TMEM30A: variants seen among roughly 807,000 people sequenced by gnomAD.
TMEM30A encodes the protein cell division cycle 50 P4-ATPase accessory subunit A.
In TMEM30A, 24 loss-of-function variants were observed where a neutral mutation model predicts 38.2. The ratio of observed to expected loss-of-function variants is 0.63; its 90% CI spans 0.46 to 0.88. The LOEUF is 0.88. Among genes scored for constraint, TMEM30A ranks in the 40% least tolerant of loss-of-function variants. The pLI is 0.00. For missense variants in TMEM30A, 370 were observed against 458.6 expected (o/e 0.81, Z 1.77); for synonymous variants, 145 against 161.6 (o/e 0.90, Z 0.78).
In TMEM30A at chr6:75,260,885, A is replaced by G. The variant is rs1241657727; in HGVS notation, c.480T>C (p.Tyr160=). ...LLNPSKECEP[Y]RRNEDKPIAP... is the part of the protein sequence containing the mutation. ...CAATTGGTTTGTCTTCATTTCTTCGATAAGGTTCACATTCCTTACTGGGAT... is the reference window on the plus strand; with the variant it reads ...CAATTGGTTTGTCTTCATTTCTTCGGTAAGGTTCACATTCCTTACTGGGAT... The change falls in exon 4 of 7, where the codon TAT becomes TAC. Residue 160 remains tyrosine (Y), a synonymous_variant. Coordinates refer to ENST00000230461, the MANE Select transcript of TMEM30A (RefSeq NM_018247.4). The G allele has an allele frequency of 6.2e-7, 1 of 1,602,792 alleles. No individual in the cohort carries two copies. Among genetic ancestry groups the G allele is most frequent in the Non-Finnish European group, 8.5e-7 (1 of 1,177,636 alleles).
Position 75,256,075 on chromosome 6 carries a change from C to A in TMEM30A, c.*27G>T. On this transcript the variant is annotated 3_prime_UTR_variant, in exon 7 of 7. Coordinates refer to ENST00000230461, the MANE Select transcript of TMEM30A (RefSeq NM_018247.4). ...AATAGGACTGGCCTTGATGCACATG[C>A]AGATGATTTGCTTTCATAATATAAA... 1 of 1,524,544 alleles carries A rather than the reference C, an allele frequency of 6.6e-7. No homozygotes were observed. The highest frequency in any genetic ancestry group is 9.0e-7 in the Non-Finnish European group (1 of 1,108,754). 94.4% of individuals were successfully genotyped at this position (1,524,544 alleles called of 1,614,324 possible). A position where few individuals can be genotyped will look rare whatever the true frequency, so the allele number is the denominator to read the frequency against.
At chr6:75,275,214 A>G (rs1452047632) in intron 1 of TMEM30A, among the ~76,000 whole-genome samples, 1 of 152,118 alleles carries the variant, frequency 6.6e-6, no homozygotes, top group Non-Finnish European at 1.5e-5. Flanking sequence ...GGAGTGACTC[A>G]GGGATCTTCT....
intron 1 of TMEM30A, among the ~76,000 whole-genome samples, chr6:75,276,903 C>T (rs988218815): frequency 6.6e-6 from 1 of 152,144 alleles, no homozygotes; most frequent in Non-Finnish European, 1.5e-5. Flanking sequence ...TAAGCACATT[C>T]CTCAGGACCT....
At position 75,258,654 on chromosome 6, in the gene TMEM30A, C is replaced by A. The variant is rs762822936; in HGVS notation, c.892+126G>T. On this transcript the variant is annotated intron_variant, in intron 6 of 6. Coordinates refer to ENST00000230461, the MANE Select transcript of TMEM30A (RefSeq NM_018247.4). ...AAAATACATTCTCACATATACCACA[C>A]ATACTTTTGTAAAAATGCAGAGACC... The A allele has an allele frequency of 5.3e-5, 40 of 749,882 alleles. 1 individual carries two copies. The highest frequency in any genetic ancestry group is 8.2e-5 in the Non-Finnish European group (38 of 463,424). 46.5% of individuals were successfully genotyped at this position (749,882 alleles called of 1,614,324 possible).
intron 1 of TMEM30A, among the ~76,000 whole-genome samples, chr6:75,271,604 A>G (rs1772170625): frequency 6.6e-6 from 1 of 152,184 alleles, no homozygotes; most frequent in Non-Finnish European, 1.5e-5. Flanking sequence ...TCCTTCACAT[A>G]CATATTTCAT....
intron 1 of TMEM30A, among the ~76,000 whole-genome samples, chr6:75,281,036 G>C (rs921425390): frequency 2.0e-5 from 3 of 152,084 alleles, no homozygotes; most frequent in Non-Finnish European, 4.4e-5. Context: ...GAAGAAGAAA[G>C]TTGAGAGTTT....
At chr6:75,256,335 T>C (rs1771867126) in intron 6 of TMEM30A, 40 bp from the exon 7 acceptor site, 3 of 1,535,642 alleles carry the variant, frequency 2.0e-6, no homozygotes, top group Non-Finnish European at 2.7e-6. Context: ...CTCTGGTTAC[T>C]TGATGTTTAA....
At chr6:75,284,147 A>T in intron 1 of TMEM30A, 1 of 551,382 alleles carries the variant, frequency 1.8e-6, no homozygotes. Context: ...TGCATTAAAC[A>T]TTCATTCCGT....
chr6:75,282,377 T>C (rs1424134637), intron 1 of TMEM30A, among the ~76,000 whole-genome samples: 1 of 152,204 alleles, frequency 6.6e-6, no homozygotes, highest in Non-Finnish European at 1.5e-5. Flanking sequence ...AAGAACCTTA[T>C]TTTACTCCAA....
At chr6:75,275,899 C>G (rs1001768379) in intron 1 of TMEM30A, among the ~76,000 whole-genome samples, 5 of 152,064 alleles carry the variant, frequency 3.3e-5, no homozygotes, top group African/African-American at 1.2e-4. Flanking sequence ...GTTGGTGCCC[C>G]CTAAATAGCT....
intron 1 of TMEM30A, among the ~76,000 whole-genome samples, chr6:75,270,184 T>C (rs1772141557): frequency 6.6e-6 from 1 of 152,180 alleles, no homozygotes; most frequent in Admixed American, 6.5e-5. Flanking sequence ...ATAATTCCTA[T>C]TGCTCCACAT....
In TMEM30A at chr6:75,284,750, C is replaced by CCG; in HGVS notation, c.-113_-112insCG. 3 of 987,640 alleles carry CCG rather than the reference C, an allele frequency of 3.0e-6. No individual in the cohort carries two copies. The highest frequency in any genetic ancestry group is 3.7e-5 in the Admixed American group (2 of 54,452). The allele number at this position is 987,640 out of a possible 1,614,324, so 61.2% of individuals were successfully genotyped here. Reference sequence around the variant, plus strand: ...GCTGCCGCCGCCGCCGCCGCAGCCACCAGCGCCACCGCCACAGCCACCTCC... The same window carrying CCG: ...GCTGCCGCCGCCGCCGCCGCAGCCACCGCAGCGCCACCGCCACAGCCACCTCC... On this transcript the variant is annotated 5_prime_UTR_variant, in exon 1 of 7. Transcript: ENST00000230461.
Position 75,265,248 on chromosome 6 carries a change from C to A in TMEM30A, c.436G>T (p.Asp146Tyr), listed in dbSNP as rs768389582. 2.5e-6 allele frequency: 4 copies of A among 1,605,268 alleles called. No individual in the cohort carries two copies. The highest frequency in any genetic ancestry group is 8.5e-7 in the Non-Finnish European group (1 of 1,173,676). Residue 146 changes from aspartate to tyrosine, a missense_variant, in exon 3 of 7, where the codon GAT (aspartate) becomes TAT (tyrosine). By Grantham distance (160) the Asp-to-Tyr change is radical. Coordinates refer to ENST00000230461, the MANE Select transcript of TMEM30A (RefSeq NM_018247.4). ...TTACTTACAAGCAAAGCACTAGAAT[C>A]TCCATTTAGTTGACTATCATCTCGA... ...KSRDDSQLNG[D>Y]SSALLNPSKE...
At position 75,284,682 on chromosome 6, in the gene TMEM30A, A is replaced by C; in HGVS notation, c.-44T>G. On this transcript the variant is annotated 5_prime_UTR_variant, in exon 1 of 7. Transcript: ENST00000230461. ...TCCGCGATTTGCAGGTGGACCACCCAGGGGGCCCGCCGGCTGACCCTGACA... is the reference window on the plus strand; with the variant it reads ...TCCGCGATTTGCAGGTGGACCACCCCGGGGGCCCGCCGGCTGACCCTGACA... The C allele has an allele frequency of 6.3e-7, 1 of 1,596,802 alleles. No homozygotes were observed. The highest frequency in any genetic ancestry group is 8.5e-7 in the Non-Finnish European group (1 of 1,170,426).
chr6:75,268,177 CCAAGAGCTACTGTTTTTT>C (rs2149521242), intron 1 of TMEM30A, among the ~76,000 whole-genome samples: 1 of 152,190 alleles, frequency 6.6e-6, no homozygotes, highest in Admixed American at 6.5e-5. Flanking sequence ...AATTAGGTTA[CCAAGAGCTACTGTTTTTT>C]CAACACCTGG....
chr6:75,267,016 C>T (rs181582288), intron 2 of TMEM30A, among the ~76,000 whole-genome samples: 6 of 152,152 alleles, frequency 3.9e-5, no homozygotes, highest in Admixed American at 1.3e-4. Context: ...AGTTTTGCTC[C>T]CTTAAGAATA....
chr6:75,281,615 C>A (rs891640891), intron 1 of TMEM30A, among the ~76,000 whole-genome samples: 3 of 152,024 alleles, frequency 2.0e-5, no homozygotes, highest in African/African-American at 7.2e-5. Flanking sequence ...TTTAATGTAA[C>A]ATTTCTGCGG....
In TMEM30A at chr6:75,254,109, A is replaced by C. The variant is rs891820424; in HGVS notation, c.*1993T>G. 1 of 152,136 alleles carries C rather than the reference A, an allele frequency of 6.6e-6. No homozygotes were observed. Among genetic ancestry groups the C allele is most frequent in the African/African-American group, 2.4e-5 (1 of 41,442 alleles). The allele number at this position is 152,136 out of a possible 1,614,324, so 9.4% of individuals were successfully genotyped here. On this transcript the variant is annotated 3_prime_UTR_variant, in exon 7 of 7. Transcript: ENST00000230461. ...AAACAGCAGAAAACAGGAGGAACTT[A>C]GGCCATCAATGGACTTGTAAAACAG... is the stretch of plus-strand genomic sequence containing the variant.
At chr6:75,271,515 A>ATAAT (rs1436890604) in intron 1 of TMEM30A, among the ~76,000 whole-genome samples, 1 of 152,200 alleles carries the variant, frequency 6.6e-6, no homozygotes, top group African/African-American at 2.4e-5. Flanking sequence ...TTAATATATT[A>ATAAT]AGCCTATGTG....
Sources: allele counts gnomAD v4.1 joint callset (sites outside exome capture counted in the v4.1 genomes callset), GRCh38; gene constraint gnomAD v4.1.1; transcripts MANE v1.5; gene names NCBI Gene and HGNC (gene_info 2026-07-23, HGNC 2026-07-21).